Variants in PEX5L observed in about 807,000 individuals in gnomAD.
PEX5L encodes PEX5-related protein.
PEX5L carries 30 observed loss-of-function variants against 84.0 expected under a neutral mutation model. The observed-to-expected ratio is 0.36, with a 90% CI of 0.27 to 0.48. PEX5L has a LOEUF of 0.48. Among genes scored for constraint, PEX5L ranks in the 20% least tolerant of loss-of-function variants. PEX5L has a pLI of 0.99. For synonymous variants in PEX5L, 270 were observed against 283.1 expected, an observed-to-expected ratio of 0.95 and a Z score of 0.46; for missense variants, 533 against 754.6, an observed-to-expected ratio of 0.71 and a Z score of 3.44.
At position 179,847,055 on chromosome 3, in the gene PEX5L, C is replaced by T. The variant is rs375958309; in HGVS notation, c.822+12007G>A. 1.1e-3 allele frequency among the ~76,000 whole-genome samples: 130 copies of T among 120,856 alleles called. 2 individuals carry two copies. The highest frequency in any genetic ancestry group is 3.6e-3 in the African/African-American group (118 of 32,866). The allele number at this position is 120,856 out of a possible 152,430, so 79.3% of individuals were successfully genotyped here. A position where few individuals can be genotyped will look rare whatever the true frequency, so the allele number is the denominator to read the frequency against. On this transcript the variant is annotated intron_variant, in intron 8 of 14. Coordinates refer to ENST00000467460, the MANE Select transcript of PEX5L (RefSeq NM_016559.3). The stretch of plus-strand genomic sequence containing the variant: ...TGCCTCCCTCTCTCTCTCTCCCTTT[C>T]TCCATGTGTGTGTGTGTGTGTGTGT...
chr3:179,939,251 G>A (rs1014545672), intron 2 of PEX5L, among the ~76,000 whole-genome samples: 2 of 152,146 alleles, frequency 1.3e-5, no homozygotes, highest in Non-Finnish European at 1.5e-5. Context: ...AAACAGGATT[G>A]ATACCTCTTA....
intron 10 of PEX5L, among the ~76,000 whole-genome samples, chr3:179,813,866 C>T (rs1577189155): frequency 6.6e-6 from 1 of 151,176 alleles, no homozygotes; most frequent in East Asian, 1.9e-4. Context: ...TTAGTAGAGG[C>T]GGGGTTTCAC....
intron 12 of PEX5L, 110 bp from the exon 13 acceptor site, chr3:179,808,547 A>G (rs1043396918): frequency 1.2e-6 from 1 of 817,038 alleles, no homozygotes; most frequent in Non-Finnish European, 1.8e-6. Flanking sequence ...TACAGACTGG[A>G]AAATTTTGCT....
At chr3:180,033,109 A>G (rs1361992754) in intron 1 of PEX5L, among the ~76,000 whole-genome samples, 1 of 152,202 alleles carries the variant, frequency 6.6e-6, no homozygotes, top group Non-Finnish European at 1.5e-5. Flanking sequence ...TACCTAAGCT[A>G]TTCCCCTTTG....
At position 179,807,938 on chromosome 3, in the gene PEX5L, G is replaced by C. The variant is rs912639888; in HGVS notation, c.1519-107C>G. On this transcript the variant is annotated intron_variant, in intron 13 of 14. Coordinates refer to ENST00000467460, the MANE Select transcript of PEX5L (RefSeq NM_016559.3). Reference sequence around the variant, plus strand: ...GAAGATGGCTAAAAATTTATGCAGTGCTCATGGATGGAGACCATGGCCAGG... The same window carrying C: ...GAAGATGGCTAAAAATTTATGCAGTCCTCATGGATGGAGACCATGGCCAGG... 14 of 997,002 alleles carry C rather than the reference G, an allele frequency of 1.4e-5. No individual in the cohort carries two copies. In the African/African-American group the frequency reaches 2.1e-4, roughly 15 times the overall value. 61.8% of individuals were successfully genotyped at this position (997,002 alleles called of 1,614,324 possible).
At chr3:179,982,867 A>T (rs1444951989) in intron 1 of PEX5L, among the ~76,000 whole-genome samples, 1 of 152,100 alleles carries the variant, frequency 6.6e-6, no homozygotes, top group Admixed American at 6.5e-5. Context: ...CATGGATGGT[A>T]CCATGTCCTA....
intron 1 of PEX5L, among the ~76,000 whole-genome samples, chr3:180,008,357 C>T (rs899749436): frequency 7.2e-5 from 11 of 152,318 alleles, no homozygotes; most frequent in East Asian, 1.9e-4. Flanking sequence ...ATATTGCTAT[C>T]GGCATTTTGG....
intron 1 of PEX5L, among the ~76,000 whole-genome samples, chr3:179,990,400 CTT>C (rs11286603): frequency 1.3e-5 from 2 of 149,984 alleles, no homozygotes; most frequent in Non-Finnish European, 3.0e-5. Context: ...ATTCTGATAT[CTT>C]TTTTTTTTCT....
rs1296997666 is a variant in PEX5L at position 179,798,744 on chromosome 3, GT to G, written c.*3083del. ...TACCCTCCCCTTTCAAACGGAAAGA[GT>G]AATTTAAATGACAATTTCATGCCAT... On this transcript the variant is annotated 3_prime_UTR_variant, in exon 15 of 15. Transcript: ENST00000467460. The G allele has an allele frequency of 6.6e-6, 1 of 152,196 alleles. No individual in the cohort carries two copies. Among genetic ancestry groups the G allele is most frequent in the Non-Finnish European group, 1.5e-5 (1 of 68,028 alleles). The allele number at this position is 152,196 out of a possible 1,614,324, so 9.4% of individuals were successfully genotyped here. A position where few individuals can be genotyped will look rare whatever the true frequency, so the allele number is the denominator to read the frequency against.
At chr3:179,987,744 G>A (rs916587262) in intron 1 of PEX5L, among the ~76,000 whole-genome samples, 1 of 152,148 alleles carries the variant, frequency 6.6e-6, no homozygotes, top group Non-Finnish European at 1.5e-5. Flanking sequence ...AACCTTCACT[G>A]CCAACCATTT....
chr3:179,955,478 CTTTTTT>C (rs397967053), intron 2 of PEX5L, among the ~76,000 whole-genome samples: 773 of 53,728 alleles, frequency 0.014, 8 homozygotes, highest in African/African-American at 0.059. Flanking sequence ...CTGCTATGCT[CTTTTTT>C]TTTTTTTTTT....
chr3:179,964,860 T>C (rs1302937466), intron 2 of PEX5L, among the ~76,000 whole-genome samples: 1 of 152,238 alleles, frequency 6.6e-6, no homozygotes, highest in Non-Finnish European at 1.5e-5. Context: ...CGTACTTTGC[T>C]AGGCATTTAT....
intron 1 of PEX5L, among the ~76,000 whole-genome samples, chr3:180,003,990 G>T (rs911569253): frequency 6.6e-6 from 1 of 152,140 alleles, no homozygotes; most frequent in Non-Finnish European, 1.5e-5. Context: ...TATACAGGAC[G>T]TCTTATGTTT....
At chr3:179,873,553 A>G (rs1751093906) in intron 7 of PEX5L, among the ~76,000 whole-genome samples, 1 of 152,174 alleles carries the variant, frequency 6.6e-6, no homozygotes, top group African/African-American at 2.4e-5. Flanking sequence ...TTAGAACCAT[A>G]GGAGATATGG....
intron 11 of PEX5L, among the ~76,000 whole-genome samples, 168 bp from the exon 12 acceptor site, chr3:179,809,836 C>A (rs1429061421): frequency 2.6e-5 from 4 of 151,772 alleles, no homozygotes; most frequent in African/African-American, 9.7e-5. Flanking sequence ...AAAATGGAGA[C>A]CTCAGCATAT....
chr3:179,977,327 C>T (rs955473389), intron 1 of PEX5L, among the ~76,000 whole-genome samples: 8 of 152,134 alleles, frequency 5.3e-5, no homozygotes, highest in African/African-American at 1.2e-4. Flanking sequence ...TGTGTTTAAA[C>T]GCTCGTAGAG....
At chr3:179,865,203 C>G (rs1275241018) in intron 7 of PEX5L, among the ~76,000 whole-genome samples, 1 of 152,130 alleles carries the variant, frequency 6.6e-6, no homozygotes, top group African/African-American at 2.4e-5. Flanking sequence ...TTTCATAGTA[C>G]AATTACTGTT....
chr3:179,876,160 A>T (rs1276372803), intron 5 of PEX5L, among the ~76,000 whole-genome samples: 3 of 152,172 alleles, frequency 2.0e-5, no homozygotes, highest in African/African-American at 7.2e-5. Flanking sequence ...GGCTGTGAAT[A>T]AACCACTGAA....
chr3:179,982,097 G>A (rs151332691), intron 1 of PEX5L, among the ~76,000 whole-genome samples: 11 of 152,084 alleles, frequency 7.2e-5, no homozygotes, highest in Admixed American at 5.2e-4. Flanking sequence ...TGTTTTTAAC[G>A]TATCAGAGGA....
Sources: allele counts gnomAD v4.1 joint callset (sites outside exome capture counted in the v4.1 genomes callset), GRCh38; gene constraint gnomAD v4.1.1; transcripts MANE v1.5; gene names NCBI Gene and HGNC (gene_info 2026-07-23, HGNC 2026-07-21).